SETD5: variants seen among roughly 807,000 people sequenced by gnomAD.
The protein encoded by SETD5 is SET domain containing 5.
Under a neutral mutation model 153.3 loss-of-function variants are expected in SETD5, and 44 were observed. The observed-to-expected ratio is 0.29, with a 90% CI of 0.23 to 0.37. SETD5 has a LOEUF of 0.37. Among genes scored for constraint, SETD5 ranks in the 10% least tolerant of loss-of-function variants. The probability of loss-of-function intolerance (pLI) is 1.00; values close to 1 mark genes in which losing one functional copy is unlikely to be tolerated. For missense variants in SETD5, 1,544 were observed against 1,768.0 expected (o/e 0.87, Z 2.27); for synonymous variants, 716 against 645.2 (o/e 1.11, Z -1.66).
Position 9,473,321 on chromosome 3 carries a change from G to T in SETD5, c.3281G>T (p.Ser1094Ile). ...GGAGGTGACTCTGCACAGAGCAAAAGCAAGTCTGCAGGAGCTGGGCAAGGC... is the reference window on the plus strand; with the variant it reads ...GGAGGTGACTCTGCACAGAGCAAAATCAAGTCTGCAGGAGCTGGGCAAGGC... Reference protein sequence around the residue: ...GGGGDSAQSKSKSAGAGQGSS... With the variant: ...GGGGDSAQSKIKSAGAGQGSS... Residue 1094 changes from serine to isoleucine, a missense_variant, in exon 20 of 23, where the codon AGC becomes ATC. Ser to Ile is a moderately radical substitution (Grantham distance 142). This residue lies in a region of SETD5 where 93 missense variants were observed against 93.4 expected (regional missense o/e 1.00). Transcript: ENST00000402198. The T allele has an allele frequency of 6.2e-7, 1 of 1,613,998 alleles. No homozygotes were observed. The highest frequency in any genetic ancestry group is 8.5e-7 in the Non-Finnish European group (1 of 1,179,902).
At position 9,433,833 on chromosome 3, in the gene SETD5, G is replaced by A. The variant is rs777731568; in HGVS notation, c.72-12G>A. 1.7e-5 allele frequency: 27 copies of A among 1,612,796 alleles called. No homozygotes were observed. The highest frequency in any genetic ancestry group is 1.7e-4 in the Middle Eastern group (1 of 6,056). ...GTTATGCTATCATGCATTGCTTTTC[G>A]CCTTTGTGCAGCCCTGAATCTGTGG... On this transcript the variant is annotated splice_polypyrimidine_tract_variant and intron_variant, in intron 3 of 22. Coordinates refer to ENST00000402198, the MANE Select transcript of SETD5 (RefSeq NM_001080517.3).
intron 16 of SETD5, among the ~76,000 whole-genome samples, chr3:9,453,133 AT>A (rs1036834013): frequency 4.6e-5 from 7 of 151,912 alleles, no homozygotes; most frequent in African/African-American, 1.7e-4. Flanking sequence ...ACTGAAGCTC[AT>A]TTCGTGATTT....
At chr3:9,473,597 G>A in intron 20 of SETD5, 60 bp downstream of exon 20, 2 of 1,492,614 alleles carry the variant, frequency 1.3e-6, no homozygotes, top group Middle Eastern at 3.6e-4. Flanking sequence ...ATATATCTAA[G>A]ATCATTCCCA....
chr3:9,451,876 A>G (rs1369953507), intron 16 of SETD5, among the ~76,000 whole-genome samples: 2 of 152,228 alleles, frequency 1.3e-5, no homozygotes, highest in Admixed American at 1.3e-4. Context: ...CCTTTGCAAT[A>G]TATTTTAATA....
In SETD5 at chr3:9,470,793, C is replaced by A. The variant is rs1257065587; in HGVS notation, c.3059C>A (p.Ser1020Tyr). ...TTACATTTGGATGGGGGATATTGTT[C>A]CCCTGCAGAAGGATTTTCCAGCAGA... ...KPLHLDGGYC[S>Y]PAEGFSSRYE... The change falls in exon 19 of 23, where the codon TCC (serine) becomes TAC (tyrosine). Residue 1020 changes from serine to tyrosine, a missense_variant. By Grantham distance (144) the Ser-to-Tyr change is moderately radical (BLOSUM62 -2). Coordinates refer to ENST00000402198, the MANE Select transcript of SETD5 (RefSeq NM_001080517.3). 2 of 1,613,698 alleles carry A rather than the reference C, an allele frequency of 1.2e-6. No homozygotes were observed. The highest frequency in any genetic ancestry group is 2.2e-5 in the South Asian group (2 of 91,048).
chr3:9,436,366 A>G (rs1400093866), intron 7 of SETD5, among the ~76,000 whole-genome samples: 1 of 152,338 alleles, frequency 6.6e-6, no homozygotes, highest in East Asian at 1.9e-4. Flanking sequence ...CCTCAGTGTC[A>G]TGGTCACTTT....
chr3:9,475,272 A>G, intron 22 of SETD5, 116 bp downstream of exon 22: 6 of 1,186,976 alleles, frequency 5.1e-6, no homozygotes, highest in Non-Finnish European at 7.1e-6. Context: ...GCAGCCTTGG[A>G]AATAAGTCAT....
Position 9,469,000 on chromosome 3 carries a change from T to C in SETD5, c.2725-1459T>C, listed in dbSNP as rs1003580277. Among the ~76,000 whole-genome samples the C allele has an allele frequency of 4.6e-5, 7 of 152,222 alleles. No homozygotes were observed. In the South Asian group the frequency reaches 1.2e-3, roughly 27 times the overall value. Reference sequence around the variant, plus strand: ...GTTTTTTGAGTTGGGTGGTGACTTATGCCTTGTTCTAGGGTTAATCTAACA... The same window carrying C: ...GTTTTTTGAGTTGGGTGGTGACTTACGCCTTGTTCTAGGGTTAATCTAACA... On this transcript the variant is annotated intron_variant, in intron 18 of 22. Transcript: ENST00000402198.
Position 9,474,327 on chromosome 3 carries a change from T to C in SETD5, c.3498-122T>C, listed in dbSNP as rs2045637339. 7 of 1,120,820 alleles carry C rather than the reference T, an allele frequency of 6.2e-6. No individual in the cohort carries two copies. The East Asian group carries it at 1.5e-4, about 25-fold the overall frequency. The allele number at this position is 1,120,820 out of a possible 1,614,324, so 69.4% of individuals were successfully genotyped here. A position where few individuals can be genotyped will look rare whatever the true frequency, so the allele number is the denominator to read the frequency against. The stretch of plus-strand genomic sequence containing the variant: ...GGCAGAGGAAATACGTTGTTTTAAA[T>C]TGGTTCTGAAGAAAGTAATGTTTAA... On this transcript the variant is annotated intron_variant, in intron 20 of 22. Coordinates refer to ENST00000402198, the MANE Select transcript of SETD5 (RefSeq NM_001080517.3).
rs1300946245 is a variant in SETD5 at position 9,420,043 on chromosome 3, C to G, written c.-176-4424C>G. 3.9e-5 allele frequency among the ~76,000 whole-genome samples: 6 copies of G among 152,224 alleles called. No individual in the cohort carries two copies. The South Asian group carries it at 6.2e-4, about 16-fold the overall frequency. Reference sequence around the variant, plus strand: ...GTATAACTCTTTAAAGAGGTTTAGTCAGTCTAAATTATTTGAGGGCATCAT... The same window carrying G: ...GTATAACTCTTTAAAGAGGTTTAGTGAGTCTAAATTATTTGAGGGCATCAT... On this transcript the variant is annotated intron_variant, in intron 1 of 22. Coordinates refer to ENST00000402198, the MANE Select transcript of SETD5 (RefSeq NM_001080517.3).
intron 1 of SETD5, among the ~76,000 whole-genome samples, chr3:9,411,087 C>A (rs1029033113): frequency 6.6e-6 from 1 of 151,950 alleles, no homozygotes; most frequent in Non-Finnish European, 1.5e-5. Context: ...CAGGGTTTCA[C>A]CTTGTTGTTC....
intron 3 of SETD5, chr3:9,431,292 G>A (rs780553762): frequency 5.7e-4 from 559 of 985,404 alleles, no homozygotes; most frequent in Non-Finnish European, 6.1e-4. Context: ...TGGGTTGCAT[G>A]TTGTACTTAG....
At chr3:9,468,966 G>C (rs568725984) in intron 18 of SETD5, among the ~76,000 whole-genome samples, 2 of 152,248 alleles carry the variant, frequency 1.3e-5, no homozygotes, top group South Asian at 4.1e-4. Context: ...GTCAAAAGTT[G>C]TAAGAGCTGT....
intron 17 of SETD5, among the ~76,000 whole-genome samples, chr3:9,455,118 C>T (rs888466959): frequency 1.3e-4 from 18 of 134,406 alleles, no homozygotes; most frequent in African/African-American, 5.0e-4. Flanking sequence ...GATTTTACTT[C>T]TTTTTAGATT....
chr3:9,412,849 A>G (rs1014479340), intron 1 of SETD5, among the ~76,000 whole-genome samples: 9 of 151,464 alleles, frequency 5.9e-5, no homozygotes, highest in African/African-American at 9.7e-5. Flanking sequence ...TTAGTTGGTC[A>G]TTGTCGATAC....
At chr3:9,464,372 G>T (rs2044318725) in intron 17 of SETD5, 53 bp from the exon 18 acceptor site, 2 of 1,576,190 alleles carry the variant, frequency 1.3e-6, no homozygotes, top group East Asian at 4.5e-5. Flanking sequence ...TTACTGTAGA[G>T]CCTTAAATTA....
At chr3:9,441,508 A>G (rs1383768920) in intron 8 of SETD5, 85 bp from the exon 9 acceptor site, 2 of 1,266,386 alleles carry the variant, frequency 1.6e-6, no homozygotes, top group Non-Finnish European at 1.1e-6. Flanking sequence ...AAATATTAGC[A>G]TGTTTTCCTT....
In SETD5 at chr3:9,473,374, G is replaced by T; in HGVS notation, c.3334G>T (p.Ala1112Ser). 1 of 1,613,962 alleles carries T rather than the reference G, an allele frequency of 6.2e-7. No individual in the cohort carries two copies. The highest frequency in any genetic ancestry group is 8.5e-7 in the Non-Finnish European group (1 of 1,179,876). The change falls in exon 20 of 23, where the codon GCC (alanine) becomes TCC (serine). Residue 1112 changes from alanine (A) to serine (S), a missense_variant. Ala to Ser is a moderately conservative substitution (Grantham distance 99). Around this residue, in one of 9 missense-constraint regions of SETD5, gnomAD observed 93 missense variants for 93.4 expected, o/e 1.00. Coordinates refer to ENST00000402198, the MANE Select transcript of SETD5 (RefSeq NM_001080517.3). ...GSSNSVSDTGAHGVQGSSART... is the reference protein window; with the variant it reads ...GSSNSVSDTGSHGVQGSSART... ...CAGTAACTCCGTTTCCGACACTGGT[G>T]CCCATGGTGTGCAGGGATCCTCAGC...
chr3:9,453,065 C>T (rs914610762), intron 16 of SETD5, among the ~76,000 whole-genome samples: 1 of 152,140 alleles, frequency 6.6e-6, no homozygotes, highest in African/African-American at 2.4e-5. Context: ...ATCTTTACTA[C>T]CAAAAACTTG....
Sources: gnomAD v4.1 joint callset for allele counts (sites outside exome capture counted in the v4.1 genomes callset) on GRCh38, gnomAD v4.1.1 for gene constraint, gnomAD v4.1.1 regional missense constraint, MANE v1.5 for transcripts, NCBI Gene and HGNC (gene_info 2026-07-23, HGNC 2026-07-21) for gene names.